The following TNKS variants were observed in gnomAD, a reference collection of about 807,000 sequenced individuals.
The protein encoded by TNKS is poly [ADP-ribose] polymerase tankyrase-1.
Under a neutral mutation model 135.8 loss-of-function variants are expected in TNKS, and 72 were observed. That is an observed-to-expected ratio of 0.53 (90% CI 0.44 to 0.64). The LOEUF is 0.64. Among genes scored for constraint, TNKS ranks in the 30% least tolerant of loss-of-function variants. The probability of loss-of-function intolerance (pLI) is 0.00; values close to 1 mark genes in which losing one functional copy is unlikely to be tolerated. For synonymous variants in TNKS, 849 were observed against 649.3 expected (o/e 1.31, Z -4.68); for missense variants, 1,769 against 1,674.0 (o/e 1.06, Z -0.99).
chr8:9,641,622 C>T (rs1055491977), intron 3 of TNKS, among the ~76,000 whole-genome samples: 4 of 144,664 alleles, frequency 2.8e-5, no homozygotes, highest in African/African-American at 1.0e-4. Flanking sequence ...CATTATTTTT[C>T]AGAAAAACAT....
At chr8:9,651,805 C>G (rs549740479) in intron 3 of TNKS, among the ~76,000 whole-genome samples, 220 of 152,272 alleles carry the variant, frequency 1.4e-3, no homozygotes, top group African/African-American at 5.1e-3. Flanking sequence ...ATCAGCCAGG[C>G]AAATTGGTAG....
chr8:9,621,440 G>A (rs1298419661), intron 3 of TNKS, among the ~76,000 whole-genome samples: 1 of 151,926 alleles, frequency 6.6e-6, no homozygotes, highest in East Asian at 1.9e-4. Context: ...CCAAGTAGCT[G>A]GGATTACAGG....
At chr8:9,646,103 C>G (rs1800910843) in intron 3 of TNKS, among the ~76,000 whole-genome samples, 1 of 152,130 alleles carries the variant, frequency 6.6e-6, no homozygotes, top group African/African-American at 2.4e-5. Flanking sequence ...TCTGCATTAT[C>G]ATTATCCATT....
chr8:9,756,967 G>GT (rs576562469), intron 20 of TNKS, among the ~76,000 whole-genome samples: 157 of 151,132 alleles, frequency 1.0e-3, no homozygotes, highest in African/African-American at 3.7e-3. Flanking sequence ...TTTTGTTTTT[G>GT]TTTGTTTTTT....
At chr8:9,617,103 C>T (rs1017504044) in intron 3 of TNKS, among the ~76,000 whole-genome samples, 12 of 152,176 alleles carry the variant, frequency 7.9e-5, no homozygotes, top group Non-Finnish European at 1.2e-4. Context: ...AATGCAACAA[C>T]GCTTTTAGAT....
intron 17 of TNKS, among the ~76,000 whole-genome samples, chr8:9,746,732 G>T (rs577953100): frequency 6.6e-6 from 1 of 152,192 alleles, no homozygotes; most frequent in Admixed American, 6.5e-5. Context: ...TAGGTGAGTG[G>T]TGGGAGAGTG....
chr8:9,619,853 G>C (rs1384792519), intron 3 of TNKS, among the ~76,000 whole-genome samples: 1 of 146,288 alleles, frequency 6.8e-6, no homozygotes, highest in Non-Finnish European at 1.5e-5. Context: ...AACATCTTTA[G>C]CATAACCAGT....
chr8:9,599,941 A>G (rs943378335), intron 2 of TNKS, among the ~76,000 whole-genome samples: 2 of 152,234 alleles, frequency 1.3e-5, no homozygotes, highest in Non-Finnish European at 2.9e-5. Flanking sequence ...ATTAAGTCAT[A>G]TATAGAAGAC....
chr8:9,708,990 GT>G (rs1450062721), intron 9 of TNKS, among the ~76,000 whole-genome samples: 4 of 27,204 alleles, frequency 1.5e-4, no homozygotes, highest in Admixed American at 3.3e-4. Flanking sequence ...AACTATCCAC[GT>G]TTTTTTCTTC....
intron 3 of TNKS, among the ~76,000 whole-genome samples, chr8:9,679,421 G>A (rs889538520): frequency 4.0e-4 from 61 of 151,958 alleles, no homozygotes; most frequent in Admixed American, 2.2e-3. Flanking sequence ...CAAAGCCTTC[G>A]TGGTTCTGAT....
intron 11 of TNKS, among the ~76,000 whole-genome samples, chr8:9,711,126 G>C (rs1485427880): frequency 6.6e-6 from 1 of 152,172 alleles, no homozygotes; most frequent in African/African-American, 2.4e-5. Context: ...TGTCTCCAAA[G>C]TAGGGTATAG....
intron 3 of TNKS, among the ~76,000 whole-genome samples, chr8:9,663,250 G>A (rs971352974): frequency 6.6e-6 from 1 of 152,166 alleles, no homozygotes; most frequent in Non-Finnish European, 1.5e-5. Flanking sequence ...TTAGTTTCTG[G>A]TATTGTGTTA....
chr8:9,565,005 C>T (rs1344321862), intron 1 of TNKS, among the ~76,000 whole-genome samples: 1 of 144,786 alleles, frequency 6.9e-6, no homozygotes, highest in Non-Finnish European at 1.5e-5. Context: ...AACCCCGGGG[C>T]TCATTAAAAA....
chr8:9,702,365 A>C (rs909066317), intron 5 of TNKS, among the ~76,000 whole-genome samples: 2 of 152,160 alleles, frequency 1.3e-5, no homozygotes, highest in African/African-American at 2.4e-5. Context: ...GCACATCATA[A>C]TCAAATTGCT....
intron 25 of TNKS, among the ~76,000 whole-genome samples, chr8:9,769,024 C>A (rs1453018565): frequency 6.6e-6 from 1 of 152,196 alleles, no homozygotes; most frequent in African/African-American, 2.4e-5. Context: ...ACAGTGTGAT[C>A]ATTTGTACTA....
intron 5 of TNKS, among the ~76,000 whole-genome samples, chr8:9,696,171 A>C (rs1334347556): frequency 6.6e-6 from 1 of 152,170 alleles, no homozygotes; most frequent in Non-Finnish European, 1.5e-5. Context: ...GAGCTCACCA[A>C]AGGAATGAGT....
At chr8:9,627,248 G>A (rs921163781) in intron 3 of TNKS, among the ~76,000 whole-genome samples, 3 of 152,110 alleles carry the variant, frequency 2.0e-5, no homozygotes, top group African/African-American at 4.8e-5. Flanking sequence ...CTCTTTATCT[G>A]TATTCTTTAT....
intron 5 of TNKS, among the ~76,000 whole-genome samples, chr8:9,690,867 A>T (rs79590213): frequency 2.0e-5 from 3 of 152,076 alleles, no homozygotes; most frequent in African/African-American, 7.2e-5. Flanking sequence ...ATCAATTGCT[A>T]TTTTATCTCT....
rs1403630949 is a variant in TNKS, at chr8:9,603,240, A to T, written c.899-12342A>T. On this transcript the variant is annotated intron_variant, in intron 2 of 26. Transcript: ENST00000310430. ...GCTACTTTTTTTATTTTGGGTAGAG[A>T]CAGGTTTTCACCATGTTGACCAGGC... Among the ~76,000 whole-genome samples, 2 of 152,078 alleles carry T rather than the reference A, an allele frequency of 1.3e-5. 1 individual carries two copies. Among genetic ancestry groups the T allele is most frequent in the East Asian group, 3.9e-4 (2 of 5,174 alleles).
Sources: allele counts gnomAD v4.1 joint callset (sites outside exome capture counted in the v4.1 genomes callset), GRCh38; gene constraint gnomAD v4.1.1; transcripts MANE v1.5; gene names NCBI Gene and HGNC (gene_info 2026-07-23, HGNC 2026-07-21).